The following SRPRA variants were observed in gnomAD, a reference collection of about 807,000 sequenced individuals.
SRPRA encodes the protein SRP receptor subunit alpha.
A neutral mutation model predicts 61.1 loss-of-function variants in SRPRA; 30 were observed. The observed-to-expected ratio is 0.49, with a 90% CI of 0.37 to 0.67. The LOEUF (loss-of-function observed/expected upper bound fraction) is 0.67, where lower values mean the gene tolerates loss of function less well. Among genes scored for constraint, SRPRA ranks in the 30% least tolerant of loss-of-function variants. The pLI, the probability that SRPRA is intolerant of heterozygous loss-of-function variation, is 0.00. For missense variants in SRPRA, 759 were observed against 828.4 expected (o/e 0.92, Z 1.03); for synonymous variants, 324 against 299.7 (o/e 1.08, Z -0.84).
rs1950766770 is a variant in SRPRA, at chr11:126,264,492, T to C, written c.1573A>G (p.Met525Val). 2.5e-6 allele frequency: 4 copies of C among 1,613,912 alleles called. No individual in the cohort carries two copies. Among genetic ancestry groups the C allele is most frequent in the Non-Finnish European group, 3.4e-6 (4 of 1,180,042 alleles). The change falls in exon 12 of 14, where the codon ATG becomes GTG. Residue 525 changes from methionine (M) to valine (V), a missense_variant. Met to Val is a conservative substitution (Grantham distance 21). Coordinates refer to ENST00000332118, the MANE Select transcript of SRPRA (RefSeq NM_003139.4). This position sits in a 1 kb window ranked among gnomAD's most constrained non-coding sequence, Gnocchi z 5.0. ...DVVLVDTAGRMQDNAPLMTAL... is the reference protein window; with the variant it reads ...DVVLVDTAGRVQDNAPLMTAL... Reference sequence around the variant, plus strand: ...GTCATCAGAGGGGCATTGTCTTGCATGCGGCCTGCCGTGTCCACCAGCACC... The same window carrying C: ...GTCATCAGAGGGGCATTGTCTTGCACGCGGCCTGCCGTGTCCACCAGCACC...
rs1591540072 is a variant in SRPRA at position 126,267,761 on chromosome 11, G to A, written c.202-49C>T. On this transcript the variant is annotated intron_variant, in intron 2 of 13. Coordinates refer to ENST00000332118, the MANE Select transcript of SRPRA (RefSeq NM_003139.4). This position sits in a 1 kb window ranked among gnomAD's most constrained non-coding sequence, Gnocchi z 4.2. The stretch of plus-strand genomic sequence containing the variant: ...ACAGATCTGCTTACATACTAGCCTA[G>A]AATGGAGGGACGCCAACTCAACCCT... 3 of 1,604,862 alleles carry A rather than the reference G, an allele frequency of 1.9e-6. No homozygotes were observed. Among genetic ancestry groups the A allele is most frequent in the Non-Finnish European group, 1.7e-6 (2 of 1,173,792 alleles).
chr11:126,266,150 A>G (rs1403098624), intron 7 of SRPRA, 37 bp downstream of exon 7: 2 of 1,613,074 alleles, frequency 1.2e-6, no homozygotes, highest in African/African-American at 1.3e-5. Flanking sequence ...CCAGTTTTGC[A>G]GATGCATATA....
At position 126,267,314 on chromosome 11, in the gene SRPRA, C is replaced by G; in HGVS notation, c.387G>C (p.Lys129Asn). 1 of 1,614,074 alleles carries G rather than the reference C, an allele frequency of 6.2e-7. No homozygotes were observed. Among genetic ancestry groups the G allele is most frequent in the Non-Finnish European group, 8.5e-7 (1 of 1,180,026 alleles). The part of the protein sequence containing the change: ...RLLREAEESS[K>N]IRAPTTMKKF... ...TCTTCATGGTAGTGGGAGCACGGAT[C>G]TTACTGCTCTCCTCTGCTTCACTAA... The change falls in exon 4 of 14, where the codon AAG (lysine) becomes AAC (asparagine). Residue 129 changes from lysine to asparagine, a missense_variant. By Grantham distance (94) the Lys-to-Asn change is moderately conservative. Coordinates refer to ENST00000332118, the MANE Select transcript of SRPRA (RefSeq NM_003139.4). The surrounding 1 kb of genome is among the most constrained non-coding windows in gnomAD (Gnocchi z 4.2).
chr11:126,266,318 A>G (rs1591538413), intron 6 of SRPRA, 40 bp from the exon 7 acceptor site: 1 of 1,608,174 alleles, frequency 6.2e-7, no homozygotes, highest in Non-Finnish European at 8.5e-7. Flanking sequence ...CAGGAACACT[A>G]AGGTCTCTGA....
In SRPRA at chr11:126,268,706, A is replaced by C. The variant is rs760115572; in HGVS notation, c.99T>G (p.Ile33Met). ...DSCTGPVNAL[I>M]RSVLLQERGG... ...ACGGTACCTGCAGCAGCACGGAACGAATCAACGCGTTAACGGGTCCGGTGC... is the reference window on the plus strand; with the variant it reads ...ACGGTACCTGCAGCAGCACGGAACGCATCAACGCGTTAACGGGTCCGGTGC... The change falls in exon 1 of 14, where the codon ATT (isoleucine) becomes ATG (methionine). Residue 33 changes from isoleucine (I) to methionine (M), a missense_variant. Ile to Met is a conservative substitution (Grantham distance 10). Around this residue, in one of 2 missense-constraint regions of SRPRA, gnomAD observed 475 missense variants for 462.5 expected, o/e 1.03. Transcript: ENST00000332118. 4.0e-5 allele frequency: 64 copies of C among 1,613,716 alleles called. No homozygotes were observed. The highest frequency in any genetic ancestry group is 1.1e-4 in the East Asian group (5 of 44,896).
At position 126,263,921 on chromosome 11, in the gene SRPRA, C is replaced by G; in HGVS notation, c.1912G>C (p.Ala638Pro). The G allele has an allele frequency of 6.2e-7, 1 of 1,614,014 alleles. No individual in the cohort carries two copies. Among genetic ancestry groups the G allele is most frequent in the Non-Finnish European group, 8.5e-7 (1 of 1,179,996 alleles). Reference sequence around the variant, plus strand: ...GGTATTGGGCAAGAGCCACGTTAAGCCTTCATGAGGGCAGCCACCACAGCC... The same window carrying G: ...GGTATTGGGCAAGAGCCACGTTAAGGCTTCATGAGGGCAGCCACCACAGCC... ...AKAVVAALMK[A>P] The change falls in exon 14 of 14, where the codon GCT becomes CCT. Residue 638 changes from alanine (A) to proline (P), a missense_variant. Transcript: ENST00000332118.
At chr11:126,261,190 A>G, downstream of SRPRA, 1 of 432,376 alleles carries the variant, frequency 2.3e-6, no homozygotes, top group South Asian at 3.7e-5. Context: ...TGTTTTGTCT[A>G]CAAGCAATCG....
Position 126,265,338 on chromosome 11 carries a change from CGCTG to C in SRPRA, c.1237_1240del (p.Gln413ValfsTer30). On this transcript the variant is annotated frameshift_variant, in exon 10 of 14. Transcript: ENST00000332118. LOFTEE classifies it high-confidence loss of function. This position sits in a 1 kb window ranked among gnomAD's most constrained non-coding sequence, Gnocchi z 6.3. ...GGTGACGACATAAGGGCGCTGGCGA[CGCTG>C]GGCATCCATGATGTCCCGGAGCATG... 3 of 1,614,110 alleles carry C rather than the reference CGCTG, an allele frequency of 1.9e-6. No homozygotes were observed. Among genetic ancestry groups the C allele is most frequent in the Non-Finnish European group, 2.5e-6 (3 of 1,180,036 alleles).
At chr11:126,240,642 A>C in the SRPRA span, 2 of 724,606 alleles carry the variant, frequency 2.8e-6, no homozygotes, top group Non-Finnish European at 4.3e-6. Context: ...TGTTTTCTTT[A>C]AACTGCTTTG....
Position 126,267,604 on chromosome 11 carries a change from A to T in SRPRA, c.310T>A (p.Leu104Ile). The change falls in exon 3 of 14, where the codon TTA (leucine) becomes ATA (isoleucine). Residue 104 changes from leucine (L) to isoleucine (I), a missense_variant. Around this residue, in one of 2 missense-constraint regions of SRPRA, gnomAD observed 475 missense variants for 462.5 expected, o/e 1.03. Transcript: ENST00000332118. This position sits in a 1 kb window ranked among gnomAD's most constrained non-coding sequence, Gnocchi z 4.2. ...YRTEIQQQSA[L>I]SLLNGTFDFQ... Reference sequence around the variant, plus strand: ...TCAAAAGTGCCATTTAATAAACTTAAAGCACTTTGCTGTTGGATCTCTGTG... The same window carrying T: ...TCAAAAGTGCCATTTAATAAACTTATAGCACTTTGCTGTTGGATCTCTGTG... 1.2e-6 allele frequency: 2 copies of T among 1,614,158 alleles called. No homozygotes were observed. The highest frequency in any genetic ancestry group is 1.7e-6 in the Non-Finnish European group (2 of 1,180,042).
At chr11:126,260,418 T>C (rs1950665163), downstream of SRPRA, 1 of 152,070 alleles carries the variant, frequency 6.6e-6, no homozygotes, top group African/African-American at 2.4e-5. Flanking sequence ...TTTTGGTCCT[T>C]TGAAAATTCA....
chr11:126,256,409 A>G, the SRPRA span, among the ~76,000 whole-genome samples: 2 of 152,256 alleles, frequency 1.3e-5, no homozygotes, highest in Non-Finnish European at 2.9e-5. This position sits in a 1 kb window ranked among gnomAD's most constrained non-coding sequence, Gnocchi z 6.6. Flanking sequence ...AGTTACAGCA[A>G]TAAGCAAGAG....
At chr11:126,254,446 G>C in the SRPRA span, 1 of 1,613,662 alleles carries the variant, frequency 6.2e-7, no homozygotes, top group Admixed American at 1.7e-5. Context: ...GAGTGGGGCT[G>C]ATCTTGCTGG....
the SRPRA span, among the ~76,000 whole-genome samples, chr11:126,251,254 G>T: frequency 6.6e-6 from 1 of 152,210 alleles, no homozygotes; most frequent in Admixed American, 6.5e-5. Context: ...GTTGATCTGT[G>T]TCAGCTAATG....
the SRPRA span, among the ~76,000 whole-genome samples, chr11:126,247,877 A>G: frequency 6.9e-6 from 1 of 145,734 alleles, no homozygotes; most frequent in Non-Finnish European, 1.5e-5. Flanking sequence ...ATATATATAT[A>G]TATCTATATA....
At chr11:126,252,043 A>G in the SRPRA span, among the ~76,000 whole-genome samples, 1 of 151,262 alleles carries the variant, frequency 6.6e-6, no homozygotes, top group Non-Finnish European at 1.5e-5. This position sits in a 1 kb window ranked among gnomAD's most constrained non-coding sequence, Gnocchi z 4.7. Flanking sequence ...CTGAAGTGCA[A>G]TGGCATGATC....
the SRPRA span, among the ~76,000 whole-genome samples, chr11:126,239,059 G>T: frequency 6.7e-6 from 1 of 149,312 alleles, no homozygotes; most frequent in East Asian, 2.0e-4. Context: ...TGCAACCTCA[G>T]CCTCCTGGGC....
At chr11:126,236,916 G>C in the SRPRA span, among the ~76,000 whole-genome samples, 2 of 82,450 alleles carry the variant, frequency 2.4e-5, no homozygotes, top group Non-Finnish European at 4.5e-5. Flanking sequence ...TTTCACAGAT[G>C]CTTTTTTTTT....
chr11:126,254,524 T>G, the SRPRA span: 1 of 1,532,310 alleles, frequency 6.5e-7, no homozygotes, highest in Middle Eastern at 1.7e-4. Flanking sequence ...ACATCTTCTT[T>G]TCATTAAGTG....
Sources: allele counts gnomAD v4.1 joint callset (sites outside exome capture counted in the v4.1 genomes callset), GRCh38; gene constraint gnomAD v4.1.1; regional missense constraint gnomAD v4.1.1; non-coding constraint Gnocchi (gnomAD v3.1); transcripts MANE v1.5; gene names NCBI Gene and HGNC (gene_info 2026-07-23, HGNC 2026-07-21).